CDH4: variants seen among roughly 807,000 people sequenced by gnomAD.
The protein encoded by CDH4 is cadherin-4.
CDH4 carries 33 observed loss-of-function variants against 86.0 expected under a neutral mutation model. That is an observed-to-expected ratio of 0.38 (90% CI 0.29 to 0.51). The LOEUF is 0.51. Ranked by LOEUF, CDH4 falls within the 20% of genes least tolerant of loss-of-function variation. CDH4 has a pLI of 0.86. For synonymous variants in CDH4, 555 were observed against 549.4 expected, an observed-to-expected ratio of 1.01 and a Z score of -0.14; for missense variants, 1,114 against 1,307.4, an observed-to-expected ratio of 0.85 and a Z score of 2.28.
intron 2 of CDH4, among the ~76,000 whole-genome samples, chr20:61,386,719 T>A (rs1600927690): frequency 6.6e-6 from 1 of 152,110 alleles, no homozygotes; most frequent in African/African-American, 2.4e-5. Flanking sequence ...AGCAGGAGAG[T>A]ATTGCCAAGC....
intron 2 of CDH4, among the ~76,000 whole-genome samples, chr20:61,418,677 T>C (rs73915029): frequency 0.053 from 7,996 of 152,144 alleles, 666 homozygotes; most frequent in African/African-American, 0.18. Flanking sequence ...GCGCCGTCAG[T>C]TGGGCAACTT....
rs1469487525 is a variant in CDH4, at chr20:61,676,654, C to G, written c.170-66909C>G. Among the ~76,000 whole-genome samples, 4 of 152,174 alleles carry G rather than the reference C, an allele frequency of 2.6e-5. No individual in the cohort carries two copies. The highest frequency in any genetic ancestry group is 9.7e-5 in the African/African-American group (4 of 41,428). On this transcript the variant is annotated intron_variant, in intron 2 of 15. Coordinates refer to ENST00000614565, the MANE Select transcript of CDH4 (RefSeq NM_001794.5). The surrounding 1 kb of genome is among the most constrained non-coding windows in gnomAD (Gnocchi z 4.5). ...ATTCTCTCAATTCTCTGCACATGCCCTCAACAAACAAACTCAATCCCACAC... is the reference window on the plus strand; with the variant it reads ...ATTCTCTCAATTCTCTGCACATGCCGTCAACAAACAAACTCAATCCCACAC...
chr20:61,815,840 C>A lies in CDH4; in HGVS notation c.577-28828C>A, dbSNP rs2053018336. Among the ~76,000 whole-genome samples, 3 of 152,340 alleles carry A rather than the reference C, an allele frequency of 2.0e-5. No homozygotes were observed. In the South Asian group the frequency reaches 6.2e-4, roughly 32 times the overall value. ...GCCAGAAATGCAAAGCTCCCACTTG[C>A]CCAGGTTTGGAACCAGGACTGTGTT... On this transcript the variant is annotated intron_variant, in intron 4 of 15. Transcript: ENST00000614565.
chr20:61,668,495 T>C (rs1320084908), intron 2 of CDH4, among the ~76,000 whole-genome samples: 1 of 152,172 alleles, frequency 6.6e-6, no homozygotes, highest in Non-Finnish European at 1.5e-5. Context: ...TCGTGGGGCG[T>C]GCTCACCACT....
At chr20:61,830,514 C>T (rs753074703) in intron 4 of CDH4, among the ~76,000 whole-genome samples, 6 of 152,302 alleles carry the variant, frequency 3.9e-5, no homozygotes, top group East Asian at 3.9e-4. Context: ...CAGGTTGCCC[C>T]GTTTCTGCTG....
At chr20:61,928,759 C>T (rs1247006729) in intron 12 of CDH4, among the ~76,000 whole-genome samples, 1 of 152,208 alleles carries the variant, frequency 6.6e-6, no homozygotes, top group Non-Finnish European at 1.5e-5. Context: ...GAATACTTCC[C>T]TGGATGCAGA....
intron 6 of CDH4, among the ~76,000 whole-genome samples, chr20:61,871,039 ATGTG>A (rs10590544): frequency 0.44 from 65,642 of 149,708 alleles, 14,339 homozygotes; most frequent in Admixed American, 0.46. Flanking sequence ...TATTTATAGG[ATGTG>A]TGTGTGTGTG....
chr20:61,665,625 C>T (rs1230983207), intron 2 of CDH4, among the ~76,000 whole-genome samples: 5 of 152,180 alleles, frequency 3.3e-5, no homozygotes, highest in East Asian at 1.9e-4. Context: ...CCACCAGCAG[C>T]GCTTTGTGAT....
chr20:61,694,889 T>C (rs992533209), intron 2 of CDH4, among the ~76,000 whole-genome samples: 1 of 152,240 alleles, frequency 6.6e-6, no homozygotes, highest in Non-Finnish European at 1.5e-5. Context: ...AAGTGAAATG[T>C]CATAGCTTCA....
intron 8 of CDH4, among the ~76,000 whole-genome samples, chr20:61,907,747 A>T (rs2054806765): frequency 6.6e-6 from 1 of 152,158 alleles, no homozygotes; most frequent in African/African-American, 2.4e-5. Flanking sequence ...GGCTCTGGCC[A>T]CCTGGCTCAG....
Position 61,284,313 on chromosome 20 carries a change from C to A in CDH4, c.169+29376C>A, listed in dbSNP as rs189553692. 4.0e-3 allele frequency among the ~76,000 whole-genome samples: 605 copies of A among 149,808 alleles called. 4 individuals carry two copies. The highest frequency in any genetic ancestry group is 0.014 in the African/African-American group (583 of 40,904). ...TGGGCAATAGAGCAAGACTCCGTCT[C>A]AAAAAAAAAATCTGCTTAGCTTTCC... On this transcript the variant is annotated intron_variant, in intron 2 of 15. Coordinates refer to ENST00000614565, the MANE Select transcript of CDH4 (RefSeq NM_001794.5).
chr20:61,513,360 C>T (rs1040494961), intron 2 of CDH4, among the ~76,000 whole-genome samples: 12 of 152,224 alleles, frequency 7.9e-5, no homozygotes, highest in African/African-American at 2.7e-4. Flanking sequence ...CCTTCTGGAA[C>T]GGACCCTCTG....
chr20:61,688,905 G>T (rs1026642302), intron 2 of CDH4, among the ~76,000 whole-genome samples: 2 of 152,236 alleles, frequency 1.3e-5, no homozygotes, highest in African/African-American at 4.8e-5. Flanking sequence ...CTAGTTAGGT[G>T]GTCCTCCTTC....
intron 2 of CDH4, among the ~76,000 whole-genome samples, chr20:61,591,038 G>C (rs1016556526): frequency 1.3e-5 from 2 of 152,164 alleles, no homozygotes; most frequent in African/African-American, 4.8e-5. Context: ...ACAAGGGCTA[G>C]CCCTACTGAT....
intron 4 of CDH4, among the ~76,000 whole-genome samples, chr20:61,818,658 A>G (rs1980857350): frequency 6.6e-6 from 1 of 150,866 alleles, no homozygotes; most frequent in South Asian, 2.1e-4. Context: ...AACCTGAGCA[A>G]TAGAACGAAG....
intron 2 of CDH4, among the ~76,000 whole-genome samples, chr20:61,585,464 CTAT>C (rs1168769674): frequency 6.6e-6 from 1 of 152,198 alleles, no homozygotes; most frequent in African/African-American, 2.4e-5. Context: ...TATAAAATGC[CTAT>C]TATTTTGTGC....
chr20:61,877,046 C>A (rs576515543), intron 7 of CDH4, among the ~76,000 whole-genome samples: 192 of 152,292 alleles, frequency 1.3e-3, no homozygotes, highest in African/African-American at 4.4e-3. Flanking sequence ...CCTGGGGTTC[C>A]CCCAGCTGGC....
chr20:61,678,337 T>G (rs539309470), intron 2 of CDH4, among the ~76,000 whole-genome samples: 6 of 152,156 alleles, frequency 3.9e-5, no homozygotes, highest in Non-Finnish European at 8.8e-5. Context: ...ATGGTAAATA[T>G]AAACGTAGAT....
chr20:61,852,692 C>A (rs561965401), intron 5 of CDH4, 62 bp from the exon 6 acceptor site: 20 of 1,553,818 alleles, frequency 1.3e-5, no homozygotes, highest in Non-Finnish European at 1.7e-5. Context: ...GGGTCCCAGG[C>A]CGCTCTCAGC....
Sources: allele counts gnomAD v4.1 joint callset (sites outside exome capture counted in the v4.1 genomes callset), GRCh38; gene constraint gnomAD v4.1.1; non-coding constraint Gnocchi (gnomAD v3.1); transcripts MANE v1.5; gene names NCBI Gene and HGNC (gene_info 2026-07-23, HGNC 2026-07-21).